Variants in SYTL2 observed in about 807,000 individuals in gnomAD.
SYTL2 encodes synaptotagmin like 2.
SYTL2 carries 165 observed loss-of-function variants against 198.7 expected under a neutral mutation model. The observed-to-expected ratio is 0.83, with a 90% CI of 0.73 to 0.94. The LOEUF (loss-of-function observed/expected upper bound fraction) is 0.94. SYTL2 is among the 40% of genes least tolerant of loss of function. The pLI is 0.00. For missense variants in SYTL2, 2,835 were observed against 2,582.8 expected, an observed-to-expected ratio of 1.10 and a Z score of -2.12; for synonymous variants, 966 against 917.7, an observed-to-expected ratio of 1.05 and a Z score of -0.95.
At chr11:85,824,926 G>T in the SYTL2 span, among the ~76,000 whole-genome samples, 1 of 152,166 alleles carries the variant, frequency 6.6e-6, no homozygotes, top group South Asian at 2.1e-4. Flanking sequence ...GCTGAGATAG[G>T]GTTTGGGACA....
the SYTL2 span, among the ~76,000 whole-genome samples, chr11:85,837,877 A>G: frequency 6.6e-6 from 1 of 152,138 alleles, no homozygotes; most frequent in East Asian, 1.9e-4. Context: ...CGCTTTCTCA[A>G]TCTCAGTACT....
Position 85,737,563 on chromosome 11 carries a change from G to A in SYTL2, c.471+12C>T. The A allele has an allele frequency of 6.2e-7, 1 of 1,604,680 alleles. No individual in the cohort carries two copies. Among genetic ancestry groups the A allele is most frequent in the Non-Finnish European group, 8.5e-7 (1 of 1,173,290 alleles). On this transcript the variant is annotated intron_variant, in intron 5 of 19. Coordinates refer to ENST00000359152, the MANE Select transcript of SYTL2 (RefSeq NM_206927.4). ...ACAAATACAAGATTTTCAAAATCTG[G>A]GCTCAGTCTACCTTCTCTGGAGACA...
At chr11:85,788,960 T>C (rs1323832185) in intron 1 of SYTL2, among the ~76,000 whole-genome samples, 2 of 151,306 alleles carry the variant, frequency 1.3e-5, no homozygotes, top group African/African-American at 4.9e-5. Context: ...AGAATATCAT[T>C]CCACACATGT....
chr11:85,795,971 ACT>A (rs1196124419), intron 1 of SYTL2, among the ~76,000 whole-genome samples: 1 of 151,990 alleles, frequency 6.6e-6, no homozygotes, highest in African/African-American at 2.4e-5. Context: ...TGCTGTAAAA[ACT>A]CTGAGTAGGC....
intron 2 of SYTL2, among the ~76,000 whole-genome samples, chr11:85,752,187 AGGTTGACT>A (rs1344486724): frequency 6.6e-6 from 1 of 152,216 alleles, no homozygotes; most frequent in Non-Finnish European, 1.5e-5. Context: ...CTGGCCAGAT[AGGTTGACT>A]GGTCTATTCT....
chr11:85,737,200 TTCTCTCCCAGAAGCAGA>T (rs747037202), intron 5 of SYTL2, among the ~76,000 whole-genome samples: 18 of 152,316 alleles, frequency 1.2e-4, no homozygotes, highest in African/African-American at 4.3e-4. Flanking sequence ...AAATTAGCAA[TTCTCTCCCAGAAGCAGA>T]TCTCTAACAG....
At chr11:85,736,649 AAATGTC>A in intron 5 of SYTL2, 34 bp from the exon 6 acceptor site, 1 of 1,203,974 alleles carries the variant, frequency 8.3e-7, no homozygotes, top group Non-Finnish European at 1.2e-6. Context: ...AACTTATTTT[AAATGTC>A]ATGACAGCAA....
chr11:85,714,625 T>C, intron 11 of SYTL2, 118 bp from the exon 12 acceptor site: 1 of 1,457,846 alleles, frequency 6.9e-7, no homozygotes, highest in South Asian at 1.4e-5. Context: ...GTAAAAAAGT[T>C]AAAGGCAGAG....
rs549578390 is a variant in SYTL2 at position 85,791,084 on chromosome 11, T to C, written c.-390+19870A>G. ...TGGGAGGCGGAGGCAGGAAAATTGC[T>C]TGAACCCCAGAGACGGAGGTTGCAA... On this transcript the variant is annotated intron_variant, in intron 1 of 19. Coordinates refer to ENST00000359152, the MANE Select transcript of SYTL2 (RefSeq NM_206927.4). Among the ~76,000 whole-genome samples the C allele has an allele frequency of 4.2e-5, 6 of 142,030 alleles. No homozygotes were observed. In the East Asian group the frequency reaches 1.0e-3, roughly 25 times the overall value. 93.2% of individuals were successfully genotyped at this position (142,030 alleles called of 152,430 possible).
intron 1 of SYTL2, among the ~76,000 whole-genome samples, chr11:85,805,868 C>T (rs1181545324): frequency 1.3e-5 from 2 of 152,170 alleles, no homozygotes; most frequent in African/African-American, 4.8e-5. Context: ...GACAACTTAT[C>T]TCGGAATAAT....
At chr11:85,827,871 G>C in the SYTL2 span, among the ~76,000 whole-genome samples, 1 of 152,198 alleles carries the variant, frequency 6.6e-6, no homozygotes, top group Admixed American at 6.5e-5. Context: ...ATAAGAATGT[G>C]TTTAGCAAAT....
At chr11:85,708,562 A>T (rs543860189) in intron 14 of SYTL2, among the ~76,000 whole-genome samples, 1 of 152,314 alleles carries the variant, frequency 6.6e-6, no homozygotes, top group African/African-American at 2.4e-5. Flanking sequence ...TATAATTTAA[A>T]TATGAAAATT....
At chr11:85,820,449 C>A in the SYTL2 span, among the ~76,000 whole-genome samples, 2 of 152,042 alleles carry the variant, frequency 1.3e-5, no homozygotes, top group Non-Finnish European at 2.9e-5. Flanking sequence ...CATTTAATAC[C>A]CAGAAAAAGA....
rs755917317 is a variant in SYTL2, at chr11:85,726,640, CT to C, written c.2717del (p.Lys906ArgfsTer6). Reference sequence around the variant, plus strand: ...GTGATCTTTTTATAGGCTCATTTTTCTTATTCTGAAACAGAGACACTTTATC... The same window carrying C: ...GTGATCTTTTTATAGGCTCATTTTTCTATTCTGAAACAGAGACACTTTATC... ...QSDKVSLFQNKKNEPIKRSQV... is the reference protein window; with the variant it reads ...QSDKVSLFQNXKNEPIKRSQV... On this transcript the variant is annotated frameshift_variant, in exon 8 of 20. Transcript: ENST00000359152. LOFTEE classifies it high-confidence loss of function. The C allele has an allele frequency of 2.0e-6, 3 of 1,537,672 alleles. No homozygotes were observed. The East Asian group carries it at 7.3e-5, about 37-fold the overall frequency.
intron 2 of SYTL2, among the ~76,000 whole-genome samples, chr11:85,753,355 T>C (rs2091662760): frequency 6.6e-6 from 1 of 152,090 alleles, no homozygotes; most frequent in Non-Finnish European, 1.5e-5. Flanking sequence ...GCAGGCTGTG[T>C]AGCGATACAT....
At chr11:85,817,897 C>CTTTTTTTTTTTTTTTTTTTTTTTT in the SYTL2 span, among the ~76,000 whole-genome samples, 4 of 119,872 alleles carry the variant, frequency 3.3e-5, 2 homozygotes, top group Non-Finnish European at 6.7e-5. Context: ...ACCTTTGTGT[C>CTTTTTTTTTTTTTTTTTTTTTTTT]TTTTCTTTTT....
rs2088979815 is a variant in SYTL2, at chr11:85,725,307, C to A, written c.4051G>T (p.Glu1351Ter). Residue 1351 changes from glutamate (E) to a stop codon, truncating the protein, a stop_gained, in exon 8 of 20, where the codon GAA (glutamate) becomes TAA (stop). Coordinates refer to ENST00000359152, the MANE Select transcript of SYTL2 (RefSeq NM_206927.4). LOFTEE classifies it high-confidence loss of function. ...PQARVHPSQT[E>*]ISETVEKVIL... The stretch of plus-strand genomic sequence containing the variant: ...ACTTTCTCTACAGTCTCCGAAATTT[C>A]CGTTTGAGAAGGGTGTACCCTAGCC... The A allele has an allele frequency of 1.9e-6, 3 of 1,614,090 alleles. No homozygotes were observed. Among genetic ancestry groups the A allele is most frequent in the Non-Finnish European group, 2.5e-6 (3 of 1,179,980 alleles).
the SYTL2 span, among the ~76,000 whole-genome samples, chr11:85,845,288 C>G: frequency 5.3e-5 from 8 of 152,150 alleles, no homozygotes; most frequent in Non-Finnish European, 4.4e-5. Flanking sequence ...AGAATCTGTC[C>G]AACATCTGAC....
chr11:85,727,494 C>A lies in SYTL2; in HGVS notation c.1864G>T (p.Gly622Cys). The change falls in exon 8 of 20, where the codon GGC becomes TGC. Residue 622 changes from glycine to cysteine, a missense_variant. Physicochemically the swap from Gly to Cys is radical, Grantham distance 159. This residue lies in a region of SYTL2 where 2,645 missense variants were observed against 2,381.7 expected (regional missense o/e 1.11). Coordinates refer to ENST00000359152, the MANE Select transcript of SYTL2 (RefSeq NM_206927.4). ...KSKFMNLSQKGTPKEGPGILQ... is the reference protein window; with the variant it reads ...KSKFMNLSQKCTPKEGPGILQ... The stretch of plus-strand genomic sequence containing the variant: ...ATACCTGGGCCTTCCTTTGGGGTGC[C>A]TTTTTGGGACAAATTCATGAATTTG... The A allele has an allele frequency of 6.5e-7, 1 of 1,535,920 alleles. No individual in the cohort carries two copies. Among genetic ancestry groups the A allele is most frequent in the Non-Finnish European group, 8.7e-7 (1 of 1,146,856 alleles).
Sources: gnomAD v4.1 joint callset for allele counts (sites outside exome capture counted in the v4.1 genomes callset) on GRCh38, gnomAD v4.1.1 for gene constraint, gnomAD v4.1.1 regional missense constraint, MANE v1.5 for transcripts, NCBI Gene and HGNC (gene_info 2026-07-23, HGNC 2026-07-21) for gene names.